The following MAGI2 variants were observed in gnomAD, a reference collection of about 807,000 sequenced individuals.
MAGI2 encodes membrane-associated guanylate kinase, WW and PDZ domain-containing protein 2.
MAGI2 carries 35 observed loss-of-function variants against 133.3 expected under a neutral mutation model. That is an observed-to-expected ratio of 0.26 (90% CI 0.20 to 0.35). The LOEUF (loss-of-function observed/expected upper bound fraction) is 0.35. MAGI2 is among the 10% of genes least tolerant of loss of function. The pLI, the probability that MAGI2 is intolerant of heterozygous loss-of-function variation, is 1.00. For synonymous variants in MAGI2, 729 were observed against 710.6 expected, an observed-to-expected ratio of 1.03 and a Z score of -0.41; for missense variants, 1,636 against 1,863.4, an observed-to-expected ratio of 0.88 and a Z score of 2.25.
intron 1 of MAGI2, among the ~76,000 whole-genome samples, chr7:79,348,177 G>T (rs537388843): frequency 1.1e-4 from 16 of 151,890 alleles, no homozygotes; most frequent in African/African-American, 3.1e-4. Context: ...GAATTTTCCA[G>T]AAATGTTTTA....
At chr7:78,667,645 G>GT (rs962872461) in intron 2 of MAGI2, among the ~76,000 whole-genome samples, 3 of 150,960 alleles carry the variant, frequency 2.0e-5, no homozygotes, top group Non-Finnish European at 2.9e-5. Flanking sequence ...GCAGTGTTTG[G>GT]TTTTTTGTCC....
intron 3 of MAGI2, among the ~76,000 whole-genome samples, chr7:78,554,924 T>G (rs1427010619): frequency 4.6e-5 from 7 of 151,930 alleles, no homozygotes; most frequent in African/African-American, 1.5e-4. Context: ...GGTGTGAGAA[T>G]GGCTTGAGCC....
At chr7:78,942,371 T>G (rs989426922) in intron 2 of MAGI2, among the ~76,000 whole-genome samples, 1 of 152,154 alleles carries the variant, frequency 6.6e-6, no homozygotes, top group Non-Finnish European at 1.5e-5. Flanking sequence ...AATAAGTAGA[T>G]GTACCTACAG....
intron 1 of MAGI2, among the ~76,000 whole-genome samples, chr7:79,158,255 T>C (rs1352908720): frequency 6.6e-5 from 10 of 152,060 alleles, no homozygotes; most frequent in African/African-American, 1.7e-4. Context: ...GCATGCCTAA[T>C]ACATCTATGT....
intron 1 of MAGI2, among the ~76,000 whole-genome samples, chr7:79,103,751 G>A (rs1220383837): frequency 6.6e-6 from 1 of 151,856 alleles, no homozygotes; most frequent in Non-Finnish European, 1.5e-5. Flanking sequence ...CCAGCCTGGA[G>A]TGCAGTGGCG....
intron 6 of MAGI2, among the ~76,000 whole-genome samples, chr7:78,384,546 C>T (rs1304316477): frequency 6.6e-6 from 1 of 152,124 alleles, no homozygotes; most frequent in Non-Finnish European, 1.5e-5. Flanking sequence ...AATCCTAATG[C>T]AATAAATCAG....
chr7:78,757,921 G>C (rs1585311867), intron 2 of MAGI2, among the ~76,000 whole-genome samples: 1 of 151,890 alleles, frequency 6.6e-6, no homozygotes, highest in African/African-American at 2.4e-5. Context: ...ATTCCAGAAC[G>C]ATACACCCAG....
intron 21 of MAGI2, among the ~76,000 whole-genome samples, chr7:78,021,908 G>A (rs531577618): frequency 6.6e-6 from 1 of 152,292 alleles, no homozygotes; most frequent in East Asian, 1.9e-4. Flanking sequence ...TGCAATGGGA[G>A]GGTCAATCAT....
At chr7:78,124,329 G>C (rs919940010) in intron 20 of MAGI2, among the ~76,000 whole-genome samples, 2 of 152,230 alleles carry the variant, frequency 1.3e-5, no homozygotes, top group Non-Finnish European at 2.9e-5. Context: ...GAGGAGGCTG[G>C]TGCTAGATCA....
At chr7:78,279,010 T>TGATGGTTA (rs1212750943) in intron 9 of MAGI2, among the ~76,000 whole-genome samples, 1 of 152,140 alleles carries the variant, frequency 6.6e-6, no homozygotes, top group Admixed American at 6.6e-5. Flanking sequence ...AAGATGATGG[T>TGATGGTTA]GATGGTTAGT....
intron 5 of MAGI2, among the ~76,000 whole-genome samples, chr7:78,499,176 T>C (rs1305529577): frequency 1.3e-5 from 2 of 152,152 alleles, no homozygotes; most frequent in African/African-American, 4.8e-5. Flanking sequence ...ACTTCTCTAG[T>C]AGGGTCAGGG....
In MAGI2 at chr7:78,256,412, G is replaced by A. The variant is rs776613677; in HGVS notation, c.1578C>T (p.Pro526=). 3 of 1,613,780 alleles carry A rather than the reference G, an allele frequency of 1.9e-6. No homozygotes were observed. The African/African-American group carries it at 4.0e-5, about 22-fold the overall frequency. Residue 526 remains proline (P), a synonymous_variant, in exon 10 of 22, where the codon CCC becomes CCT. Coordinates refer to ENST00000354212, the MANE Select transcript of MAGI2 (RefSeq NM_012301.4). ...PEDPANSMVP[P]LAIMERPPPV... is the part of the protein sequence containing the mutation. ...GAGGTGGCCTCTCCATTATTGCAAG[G>A]GGTGGCACCATGCTGTTAGCAGGGT...
At chr7:78,210,707 A>T (rs1787687117) in intron 10 of MAGI2, among the ~76,000 whole-genome samples, 1 of 152,218 alleles carries the variant, frequency 6.6e-6, no homozygotes. Flanking sequence ...ATGAAAAGTG[A>T]AATCCTTGGA....
intron 1 of MAGI2, among the ~76,000 whole-genome samples, chr7:79,316,612 G>A (rs1202431782): frequency 1.3e-5 from 2 of 152,104 alleles, no homozygotes; most frequent in South Asian, 2.1e-4. Flanking sequence ...TTCTTATTCG[G>A]AAGGTCAATA....
chr7:78,069,534 AGAGAG>A (rs1814240669), intron 21 of MAGI2, among the ~76,000 whole-genome samples: 1 of 107,060 alleles, frequency 9.3e-6, no homozygotes, highest in Admixed American at 1.0e-4. Flanking sequence ...TGAAAGAAAG[AGAGAG>A]GAGAGAGAGA....
rs117803220 is a variant in MAGI2, at chr7:79,354,707, C to T, written c.301+98313G>A. 4.5e-4 allele frequency among the ~76,000 whole-genome samples: 69 copies of T among 152,248 alleles called. No homozygotes were observed. The East Asian group carries it at 0.013, about 28-fold the overall frequency. ...CCCTCTAAATCAAGTAGGGCATTTA[C>T]CCAAAAAGCCTTTTAAATGCTCACC... On this transcript the variant is annotated intron_variant, in intron 1 of 21. Coordinates refer to ENST00000354212, the MANE Select transcript of MAGI2 (RefSeq NM_012301.4).
intron 2 of MAGI2, among the ~76,000 whole-genome samples, chr7:78,744,536 G>A (rs907626710): frequency 2.0e-5 from 3 of 151,986 alleles, no homozygotes; most frequent in East Asian, 3.9e-4. Flanking sequence ...ACAAAAAAAC[G>A]TATCTCATTT....
At chr7:78,736,773 G>C (rs1371703454) in intron 2 of MAGI2, among the ~76,000 whole-genome samples, 1 of 152,122 alleles carries the variant, frequency 6.6e-6, no homozygotes, top group Non-Finnish European at 1.5e-5. Context: ...AGAAAACTGG[G>C]GGTGGGGGGA....
chr7:78,244,167 TAAAA>T (rs535442682), intron 10 of MAGI2, among the ~76,000 whole-genome samples: 211 of 68,828 alleles, frequency 3.1e-3, no homozygotes, highest in East Asian at 0.016. Context: ...CTATTTAAAT[TAAAA>T]AAAAAAAAAA....
Sources: gnomAD v4.1 joint callset for allele counts (sites outside exome capture counted in the v4.1 genomes callset) on GRCh38, gnomAD v4.1.1 for gene constraint, MANE v1.5 for transcripts, NCBI Gene and HGNC (gene_info 2026-07-23, HGNC 2026-07-21) for gene names.